Variants in KCNMA1 observed in about 807,000 individuals in gnomAD.
The protein encoded by KCNMA1 is potassium calcium-activated channel subfamily M alpha 1, also known as Calcium-activated potassium channel subunit alpha-1.
Under a neutral mutation model 140.0 loss-of-function variants are expected in KCNMA1, and 29 were observed. That is an observed-to-expected ratio of 0.21 (90% CI 0.15 to 0.28). The LOEUF (loss-of-function observed/expected upper bound fraction) is 0.28, where lower values mean the gene tolerates loss of function less well. KCNMA1 is among the 10% of genes least tolerant of loss of function. The probability of loss-of-function intolerance (pLI) is 1.00; values close to 1 mark genes in which losing one functional copy is unlikely to be tolerated. For missense variants in KCNMA1, 880 were observed against 1,602.2 expected, an observed-to-expected ratio of 0.55 and a Z score of 7.70; for synonymous variants, 612 against 611.9, an observed-to-expected ratio of 1.00 and a Z score of 0.00.
At chr10:77,212,547 C>A (rs903902696) in intron 3 of KCNMA1, among the ~76,000 whole-genome samples, 1 of 151,902 alleles carries the variant, frequency 6.6e-6, no homozygotes, top group Non-Finnish European at 1.5e-5. Flanking sequence ...GCATATGTAC[C>A]CCCTGTATCT....
intron 20 of KCNMA1, among the ~76,000 whole-genome samples, chr10:76,960,411 C>T (rs1294455186): frequency 3.3e-5 from 5 of 151,954 alleles, no homozygotes; most frequent in East Asian, 1.9e-4. Flanking sequence ...AGATGGTGCA[C>T]GCCTGCAGTC....
At chr10:77,575,354 T>C (rs2073682971) in intron 1 of KCNMA1, among the ~76,000 whole-genome samples, 1 of 152,164 alleles carries the variant, frequency 6.6e-6, no homozygotes, top group African/African-American at 2.4e-5. Context: ...AGCGATTTCC[T>C]TTTCCAGAGC....
intron 1 of KCNMA1, among the ~76,000 whole-genome samples, chr10:77,431,735 C>T (rs1009295606): frequency 2.7e-5 from 4 of 146,582 alleles, no homozygotes; most frequent in East Asian, 2.0e-4. Context: ...CGGTGGCTCA[C>T]GCCTGTAATC....
At chr10:77,389,553 A>G (rs2095737896) in intron 2 of KCNMA1, among the ~76,000 whole-genome samples, 1 of 152,130 alleles carries the variant, frequency 6.6e-6, no homozygotes, top group African/African-American at 2.4e-5. Flanking sequence ...AGGCTCTTCC[A>G]GTCAAATTTG....
At chr10:77,517,228 C>G (rs796784381) in intron 1 of KCNMA1, among the ~76,000 whole-genome samples, 8 of 152,116 alleles carry the variant, frequency 5.3e-5, no homozygotes, top group Admixed American at 1.3e-4. Context: ...TCAAGGTGTA[C>G]AGAAAGAAAG....
chr10:77,080,721 CA>C (rs1450442603), intron 12 of KCNMA1, among the ~76,000 whole-genome samples: 3 of 152,062 alleles, frequency 2.0e-5, no homozygotes, highest in African/African-American at 7.2e-5. Flanking sequence ...AAAGCGAGCC[CA>C]AATCATGGGG....
chr10:77,171,386 C>CGT (rs371170620), intron 5 of KCNMA1, among the ~76,000 whole-genome samples: 9,207 of 136,660 alleles, frequency 0.067, 609 homozygotes, highest in African/African-American at 0.17. Context: ...AGTACGTGTG[C>CGT]GTGTGTGTGT....
chr10:77,226,962 A>G (rs2051681718), intron 3 of KCNMA1, among the ~76,000 whole-genome samples: 1 of 152,170 alleles, frequency 6.6e-6, no homozygotes, highest in Non-Finnish European at 1.5e-5. Flanking sequence ...AGCTCATCTT[A>G]AATGCCAGAA....
At chr10:77,151,625 G>T (rs900779840) in intron 5 of KCNMA1, among the ~76,000 whole-genome samples, 3 of 152,176 alleles carry the variant, frequency 2.0e-5, no homozygotes, top group African/African-American at 7.2e-5. Context: ...GCATGCCACA[G>T]ACTCTGGCCT....
At chr10:77,318,650 C>A (rs1030215542) in intron 2 of KCNMA1, among the ~76,000 whole-genome samples, 14 of 152,198 alleles carry the variant, frequency 9.2e-5, no homozygotes, top group African/African-American at 3.4e-4. Flanking sequence ...AATTGATGGT[C>A]AGTCCCTACT....
intron 2 of KCNMA1, among the ~76,000 whole-genome samples, chr10:77,320,506 C>T (rs1288765537): frequency 6.6e-6 from 1 of 152,120 alleles, no homozygotes; most frequent in Non-Finnish European, 1.5e-5. Flanking sequence ...CGGTGCTCTG[C>T]TTCTCTGGGT....
chr10:77,050,690 T>C (rs1269354154), intron 14 of KCNMA1, among the ~76,000 whole-genome samples: 3 of 152,164 alleles, frequency 2.0e-5, no homozygotes, highest in East Asian at 1.9e-4. Flanking sequence ...GCTTCCCCTA[T>C]AGGGCCCACA....
At chr10:77,385,325 A>G (rs892210834) in intron 2 of KCNMA1, among the ~76,000 whole-genome samples, 5 of 152,222 alleles carry the variant, frequency 3.3e-5, no homozygotes, top group African/African-American at 1.2e-4. Flanking sequence ...ATTAAACCAC[A>G]TGTTTCTGAC....
chr10:77,319,698 A>G (rs2081825254), intron 2 of KCNMA1, among the ~76,000 whole-genome samples: 1 of 152,224 alleles, frequency 6.6e-6, no homozygotes, highest in South Asian at 2.1e-4. Flanking sequence ...CATGAGCCAC[A>G]TGATGCGTGA....
intron 14 of KCNMA1, among the ~76,000 whole-genome samples, chr10:77,047,875 G>A (rs2095163724): frequency 6.6e-6 from 1 of 152,070 alleles, no homozygotes; most frequent in Non-Finnish European, 1.5e-5. Flanking sequence ...ACCAACCCCA[G>A]AATAGTTCAG....
At chr10:77,364,317 G>T (rs1002338509) in intron 2 of KCNMA1, among the ~76,000 whole-genome samples, 1 of 152,014 alleles carries the variant, frequency 6.6e-6, no homozygotes, top group Non-Finnish European at 1.5e-5. Context: ...CAGGTATGGT[G>T]GTGTGTGCCT....
chr10:76,934,056 T>TC (rs1554948949), intron 23 of KCNMA1, among the ~76,000 whole-genome samples: 1 of 152,164 alleles, frequency 6.6e-6, no homozygotes, highest in Non-Finnish European at 1.5e-5. Context: ...CACTGCAACC[T>TC]CCACCTCCTG....
At chr10:77,221,000 C>A (rs574081610) in intron 3 of KCNMA1, among the ~76,000 whole-genome samples, 22 of 152,272 alleles carry the variant, frequency 1.4e-4, no homozygotes, top group African/African-American at 5.3e-4. Context: ...CAGGATGAGT[C>A]ATTTGATTCA....
Position 77,228,494 on chromosome 10 carries a change from T to A in KCNMA1, c.602+22701A>T, listed in dbSNP as rs147444496. Among the ~76,000 whole-genome samples, 376 of 152,220 alleles carry A rather than the reference T, an allele frequency of 2.5e-3. 2 individuals carry two copies. Among genetic ancestry groups the A allele is most frequent in the African/African-American group, 8.6e-3 (358 of 41,532 alleles). On this transcript the variant is annotated intron_variant, in intron 3 of 27. Transcript: ENST00000286628. ...GCTCCCATAAGGACAAGATCAGAGA[T>A]AAACAAAGAGTCTCTGAACTGCTAA...
Sources: allele counts gnomAD v4.1 joint callset (sites outside exome capture counted in the v4.1 genomes callset), GRCh38; gene constraint gnomAD v4.1.1; transcripts MANE v1.5; gene names NCBI Gene and HGNC (gene_info 2026-07-23, HGNC 2026-07-21).